Variants in TNNI3K observed in about 807,000 individuals in gnomAD.
The protein encoded by TNNI3K is TNNI3 interacting kinase.
In TNNI3K, 140 loss-of-function variants were observed where a neutral mutation model predicts 114.5. The observed-to-expected ratio is 1.22, with a 90% CI of 1.07 to 1.41. The LOEUF is 1.41. TNNI3K is among the 40% of genes most tolerant of loss of function. The pLI is 0.00. For missense variants in TNNI3K, 1,125 were observed against 1,007.6 expected (o/e 1.12, Z -1.58); for synonymous variants, 347 against 347.5 (o/e 1.00, Z 0.02).
chr1:74,544,034 G>C lies in TNNI3K; in HGVS notation c.*52G>C. 1 of 1,578,144 alleles carries C rather than the reference G, an allele frequency of 6.3e-7. No individual in the cohort carries two copies. Among genetic ancestry groups the C allele is most frequent in the Non-Finnish European group, 8.6e-7 (1 of 1,161,010 alleles). ...GTTTTTTCCCCGAACTGACAGCAAC[G>C]ATTCCAACCACGGCAAGCTGGCTTC... On this transcript the variant is annotated 3_prime_UTR_variant, in exon 25 of 25. Transcript: ENST00000326637.
intron 5 of TNNI3K, among the ~76,000 whole-genome samples, chr1:74,320,833 C>T (rs1481851091): frequency 6.6e-6 from 1 of 152,036 alleles, no homozygotes; most frequent in Non-Finnish European, 1.5e-5. Flanking sequence ...TTTCAAAATA[C>T]TTTTGGCAGA....
At position 74,237,042 on chromosome 1, in the gene TNNI3K, C is replaced by T. The variant is rs114468830; in HGVS notation, c.149+832C>T. ...AGTGTAAAGCAATGACCAAATGACA[C>T]ATCTTTAAAATAAAATTTTAGATAT... On this transcript the variant is annotated intron_variant, in intron 2 of 24. Transcript: ENST00000326637. Among the ~76,000 whole-genome samples, 750 of 152,028 alleles carry T rather than the reference C, an allele frequency of 4.9e-3. 4 individuals carry two copies. Among genetic ancestry groups the T allele is most frequent in the Non-Finnish European group, 7.8e-3 (530 of 67,868 alleles).
chr1:74,379,057 A>G (rs1034880874), intron 17 of TNNI3K, among the ~76,000 whole-genome samples: 2 of 152,064 alleles, frequency 1.3e-5, no homozygotes, highest in African/African-American at 4.8e-5. Flanking sequence ...TTAATAAAGC[A>G]TGCTATATAT....
chr1:74,448,072 G>T (rs1226178027), intron 20 of TNNI3K, among the ~76,000 whole-genome samples: 1 of 79,740 alleles, frequency 1.3e-5, no homozygotes, highest in Non-Finnish European at 2.4e-5. Context: ...AGATCACATG[G>T]ACACAGGAAG....
chr1:74,240,788 T>C (rs1399675139), intron 2 of TNNI3K: 1 of 152,122 alleles, frequency 6.6e-6, no homozygotes, highest in Non-Finnish European at 1.5e-5. Flanking sequence ...TTTTTCTTTT[T>C]TTTTTTATTA....
At chr1:74,512,983 T>C (rs1277303590) in intron 23 of TNNI3K, among the ~76,000 whole-genome samples, 2 of 152,198 alleles carry the variant, frequency 1.3e-5, no homozygotes, top group South Asian at 2.1e-4. Context: ...CTTTTGCCCT[T>C]TCACTAACAT....
intron 20 of TNNI3K, among the ~76,000 whole-genome samples, chr1:74,460,264 T>G (rs1048481020): frequency 1.8e-4 from 28 of 152,214 alleles, no homozygotes; most frequent in Non-Finnish European, 8.8e-5. Context: ...AGATGCGGTT[T>G]CACCGTGTTA....
intron 17 of TNNI3K, 25 bp from the exon 18 acceptor site, chr1:74,436,055 C>CTTTTTT (rs67642732): frequency 4.2e-6 from 6 of 1,441,584 alleles, no homozygotes; most frequent in Admixed American, 2.2e-5. Context: ...TCAATGTCTA[C>CTTTTTT]TTTTTTTTTT....
chr1:74,382,299 C>G (rs1220880093), intron 17 of TNNI3K, among the ~76,000 whole-genome samples: 1 of 152,110 alleles, frequency 6.6e-6, no homozygotes, highest in Non-Finnish European at 1.5e-5. Flanking sequence ...ATAATGATGT[C>G]CATGTCTACC....
At chr1:74,253,582 C>T (rs1020387344) in intron 4 of TNNI3K, among the ~76,000 whole-genome samples, 9 of 152,232 alleles carry the variant, frequency 5.9e-5, no homozygotes, top group Admixed American at 3.3e-4. Flanking sequence ...GCTGCTGGCC[C>T]GGGTGCTAAT....
At chr1:74,435,973 T>C (rs1666102862) in intron 17 of TNNI3K, 107 bp from the exon 18 acceptor site, 5 of 1,423,586 alleles carry the variant, frequency 3.5e-6, no homozygotes, top group Admixed American at 2.3e-5. Context: ...ATTTATTCTC[T>C]AGGGCAAACA....
intron 17 of TNNI3K, among the ~76,000 whole-genome samples, chr1:74,434,426 T>C (rs1235860812): frequency 6.6e-6 from 1 of 152,042 alleles, no homozygotes; most frequent in East Asian, 1.9e-4. Context: ...ATTCAGTCTT[T>C]GCCTGTCTTG....
chr1:74,240,393 T>A (rs781500709), intron 2 of TNNI3K: 1 of 152,506 alleles, frequency 6.6e-6, no homozygotes, highest in Non-Finnish European at 1.5e-5. Context: ...TTAACAACCC[T>A]CTGAAGTAAG....
At chr1:74,268,407 C>T (rs746749426) in intron 4 of TNNI3K, among the ~76,000 whole-genome samples, 5 of 151,820 alleles carry the variant, frequency 3.3e-5, no homozygotes, top group Admixed American at 6.6e-5. Flanking sequence ...CAGTTTCTGG[C>T]AGCCTATCCA....
intron 23 of TNNI3K, among the ~76,000 whole-genome samples, chr1:74,516,868 T>A (rs760070898): frequency 2.6e-5 from 4 of 152,202 alleles, no homozygotes; most frequent in Non-Finnish European, 5.9e-5. Flanking sequence ...TGAAATGCCC[T>A]TATTGCCAGT....
chr1:74,496,653 G>T (rs946556195), intron 23 of TNNI3K, among the ~76,000 whole-genome samples: 12 of 152,078 alleles, frequency 7.9e-5, no homozygotes, highest in Non-Finnish European at 1.6e-4. Context: ...GTGCAAAATT[G>T]TGTCAGAGAT....
intron 20 of TNNI3K, among the ~76,000 whole-genome samples, chr1:74,460,715 T>C (rs764467569): frequency 6.6e-6 from 1 of 152,234 alleles, no homozygotes; most frequent in Non-Finnish European, 1.5e-5. Context: ...AATTTCAATT[T>C]CATGACCCCC....
chr1:74,502,890 A>G (rs1250265340), intron 23 of TNNI3K, among the ~76,000 whole-genome samples: 2 of 151,956 alleles, frequency 1.3e-5, no homozygotes, highest in African/African-American at 2.4e-5. Flanking sequence ...AAACAGCCTC[A>G]CTCTCTGACC....
At chr1:74,239,967 G>C (rs1196172976) in intron 2 of TNNI3K, 1 of 470,400 alleles carries the variant, frequency 2.1e-6, no homozygotes. Context: ...TAATGGATTG[G>C]TGACAGGAAG....
Sources: gnomAD v4.1 joint callset for allele counts (sites outside exome capture counted in the v4.1 genomes callset) on GRCh38, gnomAD v4.1.1 for gene constraint, MANE v1.5 for transcripts, NCBI Gene and HGNC (gene_info 2026-07-23, HGNC 2026-07-21) for gene names.